Variants in DNAH6 observed in about 807,000 individuals in gnomAD.
DNAH6 encodes the protein axonemal beta dynein heavy chain 6.
A neutral mutation model predicts 491.4 loss-of-function variants in DNAH6; 340 were observed. That is an observed-to-expected ratio of 0.69 (90% CI 0.63 to 0.76). The LOEUF is 0.76. DNAH6 is among the 30% of genes least tolerant of loss of function. The probability of loss-of-function intolerance (pLI) is 0.00; values close to 1 mark genes in which losing one functional copy is unlikely to be tolerated. For synonymous variants in DNAH6, 1,603 were observed against 1,686.1 expected (o/e 0.95, Z 1.21); for missense variants, 4,443 against 4,972.2 (o/e 0.89, Z 3.20).
At chr2:84,605,214 G>A (rs1203650342) in intron 19 of DNAH6, among the ~76,000 whole-genome samples, 2 of 151,814 alleles carry the variant, frequency 1.3e-5, no homozygotes, top group Non-Finnish European at 2.9e-5. Context: ...TTAGCCAGGC[G>A]TGGTGGCAAG....
At chr2:84,741,147 C>G (rs777771157) in intron 62 of DNAH6, among the ~76,000 whole-genome samples, 49 of 151,876 alleles carry the variant, frequency 3.2e-4, no homozygotes, top group Non-Finnish European at 2.9e-4. Flanking sequence ...TGGACATTGT[C>G]CTAGGTATAT....
In DNAH6 at chr2:84,547,472, A is replaced by G. The variant is rs1461311253; in HGVS notation, c.1066-20A>G. The G allele has an allele frequency of 1.3e-6, 2 of 1,551,654 alleles. No homozygotes were observed. Among genetic ancestry groups the G allele is most frequent in the African/African-American group, 2.7e-5 (2 of 73,148 alleles). On this transcript the variant is annotated intron_variant, in intron 6 of 76. Coordinates refer to ENST00000389394, the MANE Select transcript of DNAH6 (RefSeq NM_001370.2). Reference sequence around the variant, plus strand: ...TTGATACTTCAGTATCACTAACTGTACATATTCAACAATATCTAGGTGACA... The same window carrying G: ...TTGATACTTCAGTATCACTAACTGTGCATATTCAACAATATCTAGGTGACA...
At chr2:84,712,998 C>T (rs1697198571) in intron 56 of DNAH6, 97 bp from the exon 57 acceptor site, 2 of 1,012,410 alleles carry the variant, frequency 2.0e-6, no homozygotes, top group Non-Finnish European at 1.4e-6. Flanking sequence ...ATTATTCATT[C>T]ACAGTACATT....
intron 15 of DNAH6, 95 bp from the exon 16 acceptor site, chr2:84,588,731 G>T: frequency 8.8e-7 from 1 of 1,132,556 alleles, no homozygotes; most frequent in Non-Finnish European, 1.2e-6. Context: ...AAAAGAGAAA[G>T]GAATCTTTTT....
chr2:84,660,576 G>T (rs992661715), intron 37 of DNAH6, among the ~76,000 whole-genome samples: 1 of 151,862 alleles, frequency 6.6e-6, no homozygotes, highest in African/African-American at 2.4e-5. Flanking sequence ...GTGGGTAGAG[G>T]TTTCATGATA....
the DNAH6 span, among the ~76,000 whole-genome samples, chr2:84,474,969 G>A: frequency 5.1e-4 from 77 of 152,270 alleles, no homozygotes; most frequent in African/African-American, 1.8e-3. Flanking sequence ...TCTTTTCACT[G>A]TGCTTCTTCT....
At chr2:84,731,160 C>G (rs529584495) in intron 61 of DNAH6, among the ~76,000 whole-genome samples, 1 of 152,308 alleles carries the variant, frequency 6.6e-6, no homozygotes, top group Admixed American at 6.5e-5. Context: ...TCCCTCCCTT[C>G]CTGCTCCCAG....
the DNAH6 span, among the ~76,000 whole-genome samples, chr2:84,498,369 T>C: frequency 1.3e-5 from 2 of 152,248 alleles, no homozygotes; most frequent in African/African-American, 2.4e-5. Context: ...GTATTGCTTA[T>C]TCAGAGCAGG....
chr2:84,558,008 C>A (rs1356442098), intron 11 of DNAH6, 73 bp downstream of exon 11: 3 of 1,002,622 alleles, frequency 3.0e-6, no homozygotes, highest in Non-Finnish European at 4.2e-6. Context: ...TATATTTTTT[C>A]TTTCTTATCT....
chr2:84,790,236 T>A (rs1677610075), intron 68 of DNAH6, among the ~76,000 whole-genome samples: 1 of 152,190 alleles, frequency 6.6e-6, no homozygotes, highest in Admixed American at 6.5e-5. Flanking sequence ...TTTGGACCCT[T>A]ATACCATACA....
chr2:84,762,727 A>T (rs1423707782), intron 63 of DNAH6, 28 bp from the exon 64 acceptor site: 1 of 1,494,332 alleles, frequency 6.7e-7, no homozygotes, highest in South Asian at 1.2e-5. Context: ...CTCATTCAAC[A>T]TACTTTTTTT....
At chr2:84,590,528 C>A (rs1684018098) in intron 16 of DNAH6, among the ~76,000 whole-genome samples, 2 of 148,068 alleles carry the variant, frequency 1.4e-5, no homozygotes, top group East Asian at 2.0e-4. Context: ...AGCTACAACT[C>A]ACATGTGAGC....
intron 61 of DNAH6, among the ~76,000 whole-genome samples, 166 bp from the exon 62 acceptor site, chr2:84,733,278 T>G (rs1340965502): frequency 6.6e-6 from 1 of 152,218 alleles, no homozygotes; most frequent in Non-Finnish European, 1.5e-5. Context: ...AGGTCCACAA[T>G]TAGAATTGAT....
the DNAH6 span, among the ~76,000 whole-genome samples, chr2:84,497,989 G>A: frequency 3.0e-4 from 45 of 152,168 alleles, no homozygotes; most frequent in Non-Finnish European, 5.6e-4. Context: ...CAGCCCTTCC[G>A]TTCTCCACCA....
At chr2:84,508,256 G>A in the DNAH6 span, among the ~76,000 whole-genome samples, 1 of 152,202 alleles carries the variant, frequency 6.6e-6, no homozygotes, top group South Asian at 2.1e-4. Flanking sequence ...CCTGTTATTG[G>A]TCTATTCAGA....
At chr2:84,705,860 C>G (rs753922503) in intron 52 of DNAH6, 113 bp downstream of exon 52, 3 of 1,225,098 alleles carry the variant, frequency 2.4e-6, no homozygotes, top group Non-Finnish European at 3.2e-6. Context: ...AGTGACAAAA[C>G]TCTTGGAAAT....
intron 10 of DNAH6, 76 bp from the exon 11 acceptor site, chr2:84,557,656 CAAA>C (rs10660724): frequency 0.055 from 3,562 of 64,908 alleles, 64 homozygotes; most frequent in African/African-American, 0.21. Flanking sequence ...GACTCCGTCT[CAAA>C]AAAAAAAAAA....
intron 15 of DNAH6, among the ~76,000 whole-genome samples, chr2:84,585,581 T>G (rs1478899065): frequency 6.6e-6 from 1 of 151,884 alleles, no homozygotes; most frequent in African/African-American, 2.4e-5. Flanking sequence ...TGTCCCATCA[T>G]CTCTGCAGCT....
At chr2:84,516,481 A>G (rs890834874), upstream of DNAH6, 1 of 152,194 alleles carries the variant, frequency 6.6e-6, no homozygotes, top group Non-Finnish European at 1.5e-5. Context: ...GCTGGTTGCT[A>G]CGCAGCAACA....
Sources: gnomAD v4.1 joint callset for allele counts (sites outside exome capture counted in the v4.1 genomes callset) on GRCh38, gnomAD v4.1.1 for gene constraint, MANE v1.5 for transcripts, NCBI Gene and HGNC (gene_info 2026-07-23, HGNC 2026-07-21) for gene names.